PCDH9: variants seen among roughly 807,000 people sequenced by gnomAD.
PCDH9 encodes protocadherin-9.
PCDH9 carries 24 observed loss-of-function variants against 70.6 expected under a neutral mutation model. That is an observed-to-expected ratio of 0.34 (90% CI 0.25 to 0.48). The LOEUF is 0.48. PCDH9 is among the 20% of genes least tolerant of loss of function. The probability of loss-of-function intolerance (pLI) is 0.99; values close to 1 mark genes in which losing one functional copy is unlikely to be tolerated. For missense variants in PCDH9, 1,281 were observed against 1,503.6 expected (o/e 0.85, Z 2.45); for synonymous variants, 562 against 558.5 (o/e 1.01, Z -0.09).
intron 2 of PCDH9, among the ~76,000 whole-genome samples, chr13:67,141,415 T>TTC (rs540110973): frequency 0.01 from 1,579 of 150,704 alleles, 29 homozygotes; most frequent in African/African-American, 0.031. Flanking sequence ...TAGTAAGATC[T>TTC]TCTCTCTCTC....
At chr13:66,737,486 G>A (rs946338938) in intron 3 of PCDH9, among the ~76,000 whole-genome samples, 1 of 152,200 alleles carries the variant, frequency 6.6e-6, no homozygotes, top group East Asian at 1.9e-4. Flanking sequence ...GGAAGAGGGG[G>A]GAGGAGCCAA....
At chr13:66,742,560 T>C (rs1457216860) in intron 3 of PCDH9, among the ~76,000 whole-genome samples, 1 of 146,010 alleles carries the variant, frequency 6.8e-6, no homozygotes, top group Non-Finnish European at 1.5e-5. Flanking sequence ...ACAGGTAACC[T>C]ACAACATGGG....
intron 4 of PCDH9, among the ~76,000 whole-genome samples, chr13:66,419,024 C>T (rs1225952423): frequency 2.0e-5 from 3 of 152,012 alleles, no homozygotes; most frequent in Non-Finnish European, 2.9e-5. Flanking sequence ...ATACACCCTC[C>T]CTAGACTAAA....
chr13:66,729,348 A>G (rs1428132566), intron 3 of PCDH9, among the ~76,000 whole-genome samples: 1 of 152,168 alleles, frequency 6.6e-6, no homozygotes, highest in Non-Finnish European at 1.5e-5. Context: ...CAGTTAGTAC[A>G]ATAGACAATC....
chr13:66,990,101 A>T (rs1000421942), intron 2 of PCDH9, among the ~76,000 whole-genome samples: 3 of 151,878 alleles, frequency 2.0e-5, no homozygotes, highest in African/African-American at 7.2e-5. Flanking sequence ...TTCTGTAATT[A>T]TCTGCAAAAT....
At chr13:66,933,457 A>G (rs2082850018) in intron 2 of PCDH9, among the ~76,000 whole-genome samples, 1 of 152,176 alleles carries the variant, frequency 6.6e-6, no homozygotes, top group African/African-American at 2.4e-5. Flanking sequence ...TTCATGATCC[A>G]AAAAATACAG....
At chr13:67,210,249 T>C (rs1051307509) in intron 2 of PCDH9, 2 of 152,042 alleles carry the variant, frequency 1.3e-5, no homozygotes, top group African/African-American at 4.8e-5. Flanking sequence ...GTAGTTCTGT[T>C]TTTTGATTTC....
chr13:66,571,987 A>G (rs1593702250), intron 4 of PCDH9, among the ~76,000 whole-genome samples: 1 of 152,104 alleles, frequency 6.6e-6, no homozygotes, highest in African/African-American at 2.4e-5. Context: ...GTTTTTGTAG[A>G]CATTGTGTCA....
chr13:66,877,540 C>G (rs978277027), intron 3 of PCDH9, among the ~76,000 whole-genome samples: 1 of 151,942 alleles, frequency 6.6e-6, no homozygotes, highest in Non-Finnish European at 1.5e-5. Flanking sequence ...GTTAAACAGG[C>G]GTTTAGGGGT....
At chr13:66,612,921 C>T (rs2077310438) in intron 4 of PCDH9, among the ~76,000 whole-genome samples, 1 of 152,086 alleles carries the variant, frequency 6.6e-6, no homozygotes, top group Non-Finnish European at 1.5e-5. Context: ...ACAAAGTACC[C>T]CATCTTTAGT....
At chr13:66,651,854 A>G (rs903119560) in intron 3 of PCDH9, among the ~76,000 whole-genome samples, 4 of 152,134 alleles carry the variant, frequency 2.6e-5, no homozygotes, top group Admixed American at 6.5e-5. Flanking sequence ...TAATGGTTCA[A>G]TATATGCAAA....
intron 2 of PCDH9, among the ~76,000 whole-genome samples, chr13:67,114,478 GT>G (rs2086721147): frequency 6.6e-6 from 1 of 152,082 alleles, no homozygotes; most frequent in South Asian, 2.1e-4. Flanking sequence ...AGTTTATATA[GT>G]TTCATGTACT....
chr13:66,606,689 C>T (rs2077226452), intron 4 of PCDH9, among the ~76,000 whole-genome samples: 1 of 152,024 alleles, frequency 6.6e-6, no homozygotes, highest in African/African-American at 2.4e-5. Flanking sequence ...GTACATCTGT[C>T]CTAAATCATT....
intron 2 of PCDH9, among the ~76,000 whole-genome samples, chr13:66,980,734 T>TTG (rs2083739628): frequency 7.2e-6 from 1 of 138,466 alleles, no homozygotes; most frequent in Non-Finnish European, 1.6e-5. Context: ...TTCTTTGTTT[T>TTG]TTTTTTTGTT....
chr13:66,465,210 C>T (rs902656559), intron 4 of PCDH9, among the ~76,000 whole-genome samples: 17 of 151,766 alleles, frequency 1.1e-4, no homozygotes, highest in Non-Finnish European at 1.5e-5. Flanking sequence ...AGGATCATAA[C>T]CTTGAATGAT....
chr13:67,199,048 T>C (rs2089145895), intron 2 of PCDH9, among the ~76,000 whole-genome samples: 1 of 151,636 alleles, frequency 6.6e-6, no homozygotes, highest in Non-Finnish European at 1.5e-5. Context: ...AATCTGATTG[T>C]ATAAAAGATA....
chr13:66,654,121 A>G (rs1234010520), intron 3 of PCDH9, among the ~76,000 whole-genome samples: 1 of 152,196 alleles, frequency 6.6e-6, no homozygotes, highest in African/African-American at 2.4e-5. Flanking sequence ...ACACAATGGA[A>G]TATTACTCAG....
chr13:66,764,905 A>T (rs1448990056), intron 3 of PCDH9, among the ~76,000 whole-genome samples: 1 of 152,038 alleles, frequency 6.6e-6, no homozygotes, highest in Non-Finnish European at 1.5e-5. Flanking sequence ...TTTTTTGAGA[A>T]ATTCATAGAA....
At chr13:66,868,696 A>T (rs1440360168) in intron 3 of PCDH9, among the ~76,000 whole-genome samples, 1 of 152,184 alleles carries the variant, frequency 6.6e-6, no homozygotes, top group Non-Finnish European at 1.5e-5. Flanking sequence ...GCAGTAAAGT[A>T]CAATGATTAA....
Sources: allele counts gnomAD v4.1 joint callset (sites outside exome capture counted in the v4.1 genomes callset), GRCh38; gene constraint gnomAD v4.1.1; transcripts MANE v1.5; gene names NCBI Gene and HGNC (gene_info 2026-07-23, HGNC 2026-07-21).